AHRR: variants seen among roughly 807,000 people sequenced by gnomAD.
The protein encoded by AHRR is aryl hydrocarbon receptor repressor.
In AHRR, 28 loss-of-function variants were observed where a neutral mutation model predicts 44.0. That is an observed-to-expected ratio of 0.64 (90% CI 0.47 to 0.87). The LOEUF (loss-of-function observed/expected upper bound fraction) is 0.87. AHRR is among the 40% of genes least tolerant of loss of function. AHRR has a pLI of 0.00. For missense variants in AHRR, 990 were observed against 953.9 expected (o/e 1.04, Z -0.50); for synonymous variants, 434 against 407.0 (o/e 1.07, Z -0.80).
intron 3 of AHRR, among the ~76,000 whole-genome samples, chr5:355,871 C>A (rs574947013): frequency 2.1e-3 from 313 of 152,372 alleles, no homozygotes; most frequent in African/African-American, 7.2e-3. Flanking sequence ...CCTGATTTTT[C>A]TACCAAGGAT....
At chr5:385,039 G>A (rs1008528793) in intron 4 of AHRR, among the ~76,000 whole-genome samples, 5 of 152,172 alleles carry the variant, frequency 3.3e-5, no homozygotes, top group African/African-American at 1.2e-4. Context: ...AGCTACTCAG[G>A]AGGCTGAGGC....
intron 3 of AHRR, among the ~76,000 whole-genome samples, chr5:374,706 C>T (rs998520381): frequency 6.6e-6 from 1 of 152,228 alleles, no homozygotes; most frequent in Non-Finnish European, 1.5e-5. Context: ...CCACCGTCTC[C>T]GGGCTTCTGG....
intron 2 of AHRR, among the ~76,000 whole-genome samples, chr5:345,284 C>G (rs566668696): frequency 1.3e-5 from 1 of 75,994 alleles, no homozygotes; most frequent in Non-Finnish European, 2.4e-5. Context: ...GTGTGTGTGT[C>G]GGATGATGTC....
Position 405,288 on chromosome 5 carries a change from G to A in AHRR, c.352-8056G>A, listed in dbSNP as rs1735208310. Among the ~76,000 whole-genome samples the A allele has an allele frequency of 6.6e-6, 1 of 152,182 alleles. No individual in the cohort carries two copies. Among genetic ancestry groups the A allele is most frequent in the Non-Finnish European group, 1.5e-5 (1 of 68,032 alleles). ...TGTACAAATACCATGGTTCATGGTA[G>A]CTCCTCAGATGCTCCCGTGGATGCA... On this transcript the variant is annotated intron_variant, in intron 4 of 10. Transcript: ENST00000684583. The surrounding 1 kb of genome is among the most constrained non-coding windows in gnomAD (Gnocchi z 4.5).
At chr5:352,682 T>C (rs1255130977) in intron 2 of AHRR, among the ~76,000 whole-genome samples, 2 of 141,528 alleles carry the variant, frequency 1.4e-5, no homozygotes, top group Admixed American at 6.9e-5. Flanking sequence ...ATGGGTCAGC[T>C]GTAGGGGATG....
rs1270068972 is a variant in AHRR at position 415,482 on chromosome 5, AGGCCTAGGGGCCGAG to A, written c.441+2050_441+2064del. 3.1e-4 allele frequency among the ~76,000 whole-genome samples: 36 copies of A among 116,466 alleles called. 3 individuals carry two copies. Among genetic ancestry groups the A allele is most frequent in the Non-Finnish European group, 4.2e-4 (26 of 62,392 alleles). The allele number at this position is 116,466 out of a possible 152,430, so 76.4% of individuals were successfully genotyped here. A position where few individuals can be genotyped will look rare whatever the true frequency, so the allele number is the denominator to read the frequency against. ...GGCCGAGTCTGCCTGGTCGGGTGGG[AGGCCTAGGGGCCGAG>A]TCTCCCTGGTCGGGTGGGAGGCCTA... On this transcript the variant is annotated intron_variant, in intron 5 of 10. Transcript: ENST00000684583.
In AHRR at chr5:434,242, C is replaced by A; in HGVS notation, c.1502C>A (p.Ala501Asp). Reference protein sequence around the residue: ...QLPQPGAQRFATRGYPMEDMK... With the variant: ...QLPQPGAQRFDTRGYPMEDMK... ...CCTCAGCCTGGAGCTCAGCGTTTTG[C>A]CACGAGGGGCTATCCCATGGAGGAC... Residue 501 changes from alanine (A) to aspartate (D), a missense_variant, in exon 11 of 11, where the codon GCC becomes GAC. By Grantham distance (126) the Ala-to-Asp change is moderately radical. Coordinates refer to ENST00000684583, the MANE Select transcript of AHRR (RefSeq NM_001377236.1). The A allele has an allele frequency of 6.3e-7, 1 of 1,592,850 alleles. No individual in the cohort carries two copies.
In AHRR at chr5:395,233, C is replaced by T. The variant is rs1193550701; in HGVS notation, c.352-18111C>T. On this transcript the variant is annotated intron_variant, in intron 4 of 10. Transcript: ENST00000684583. The surrounding 1 kb of genome is among the most constrained non-coding windows in gnomAD (Gnocchi z 5.3). ...CCTGCCAGGTGGCCGACACTGGCTGCCCTGCGTCCCCATTCCCTGAATGAC... is the reference window on the plus strand; with the variant it reads ...CCTGCCAGGTGGCCGACACTGGCTGTCCTGCGTCCCCATTCCCTGAATGAC... Among the ~76,000 whole-genome samples the T allele has an allele frequency of 1.3e-5, 2 of 152,198 alleles. No individual in the cohort carries two copies. Among genetic ancestry groups the T allele is most frequent in the African/African-American group, 2.4e-5 (1 of 41,448 alleles).
At chr5:377,365 G>T (rs537126168) in intron 4 of AHRR, among the ~76,000 whole-genome samples, 26 of 152,306 alleles carry the variant, frequency 1.7e-4, no homozygotes, top group African/African-American at 6.3e-4. Context: ...GGGGGTTGCT[G>T]CCTCCACCAG....
At position 404,568 on chromosome 5, in the gene AHRR, G is replaced by T; in HGVS notation, c.352-8776G>T. ...GCGTCCTGGGCCGGGGCAGGCGATTGGTACTAAAATGGTAATTTTTATGTT... is the reference window on the plus strand; with the variant it reads ...GCGTCCTGGGCCGGGGCAGGCGATTTGTACTAAAATGGTAATTTTTATGTT... On this transcript the variant is annotated intron_variant, in intron 4 of 10. Transcript: ENST00000684583. This position sits in a 1 kb window ranked among gnomAD's most constrained non-coding sequence, Gnocchi z 4.1. The T allele has an allele frequency of 7.7e-6, 2 of 260,046 alleles. No individual in the cohort carries two copies. The highest frequency in any genetic ancestry group is 9.7e-5 in the East Asian group (1 of 10,266). 16.1% of individuals were successfully genotyped at this position (260,046 alleles called of 1,614,324 possible).
At chr5:393,225 A>C (rs897556530) in intron 4 of AHRR, among the ~76,000 whole-genome samples, 2 of 152,168 alleles carry the variant, frequency 1.3e-5, no homozygotes, top group African/African-American at 4.8e-5. Context: ...CTGTGCCGGC[A>C]CAGACGCGTC....
chr5:322,932 C>A (rs73023453), intron 1 of AHRR, among the ~76,000 whole-genome samples: 22 of 152,228 alleles, frequency 1.4e-4, no homozygotes, highest in African/African-American at 5.1e-4. Context: ...AATGAACAGA[C>A]ACGAGTTTTA....
At chr5:377,783 C>T (rs891082128) in intron 4 of AHRR, among the ~76,000 whole-genome samples, 2 of 152,254 alleles carry the variant, frequency 1.3e-5, no homozygotes, top group African/African-American at 4.8e-5. Flanking sequence ...GGGCCTGGTT[C>T]CCTGCTGCTG....
rs201885637 is a variant in AHRR, at chr5:375,044, AT to A, written c.245-1565del. On this transcript the variant is annotated intron_variant, in intron 3 of 10. Coordinates refer to ENST00000684583, the MANE Select transcript of AHRR (RefSeq NM_001377236.1). ...GTGAACCACTTTGACTAGCAGGTGG[AT>A]GCCTTCCTGGAAGTCCAGGAGGATT... 7.8e-3 allele frequency among the ~76,000 whole-genome samples: 1,192 copies of A among 152,206 alleles called. 8 individuals carry two copies. Among genetic ancestry groups the A allele is most frequent in the Non-Finnish European group, 0.01 (699 of 68,012 alleles).
In AHRR at chr5:388,665, C is replaced by T. The variant is rs371513052; in HGVS notation, c.351+11949C>T. Reference sequence around the variant, plus strand: ...GCATGGGGCTTGGTGACATGAGGAGCGGGGGTGTCAGAGCCAGGGGCACCG... The same window carrying T: ...GCATGGGGCTTGGTGACATGAGGAGTGGGGGTGTCAGAGCCAGGGGCACCG... On this transcript the variant is annotated intron_variant, in intron 4 of 10. Coordinates refer to ENST00000684583, the MANE Select transcript of AHRR (RefSeq NM_001377236.1). The surrounding 1 kb of genome is among the most constrained non-coding windows in gnomAD (Gnocchi z 5.2). 2.6e-5 allele frequency among the ~76,000 whole-genome samples: 4 copies of T among 152,046 alleles called. No individual in the cohort carries two copies. In the East Asian group the frequency reaches 5.8e-4, roughly 22 times the overall value.
At chr5:401,144 C>A (rs987318567) in intron 4 of AHRR, among the ~76,000 whole-genome samples, 2 of 152,258 alleles carry the variant, frequency 1.3e-5, no homozygotes, top group African/African-American at 4.8e-5. Flanking sequence ...ACGTTCTCAC[C>A]TGTTTTCTAA....
chr5:393,427 C>A (rs142121359), intron 4 of AHRR, among the ~76,000 whole-genome samples: 2 of 152,220 alleles, frequency 1.3e-5, no homozygotes, highest in African/African-American at 4.8e-5. Flanking sequence ...TGCTGTGAAA[C>A]CTTCTGGGCA....
intron 1 of AHRR, among the ~76,000 whole-genome samples, chr5:335,314 T>C (rs1456411762): frequency 6.6e-6 from 1 of 152,096 alleles, no homozygotes; most frequent in African/African-American, 2.4e-5. Context: ...TCCCAAGCTC[T>C]GTGTGCATGT....
chr5:427,918 C>G lies in AHRR; in HGVS notation c.820C>G (p.Leu274Val). Residue 274 changes from leucine to valine, a missense_variant, in exon 8 of 11, where the codon CTC (leucine) becomes GTC (valine). Physicochemically the swap from Leu to Val is conservative, Grantham distance 32. Coordinates refer to ENST00000684583, the MANE Select transcript of AHRR (RefSeq NM_001377236.1). ...LSLFCIAAPV[L>V]LPSAAEMKMR... ...GCTGTTCTGCATTGCGGCACCCGTTCTCCTCCCCTCCGCAGCGGAGATGAA... is the reference window on the plus strand; with the variant it reads ...GCTGTTCTGCATTGCGGCACCCGTTGTCCTCCCCTCCGCAGCGGAGATGAA... 6.2e-7 allele frequency: 1 copy of G among 1,614,114 alleles called. No individual in the cohort carries two copies. Among genetic ancestry groups the G allele is most frequent in the Non-Finnish European group, 8.5e-7 (1 of 1,180,042 alleles).
Sources: gnomAD v4.1 joint callset for allele counts (sites outside exome capture counted in the v4.1 genomes callset) on GRCh38, gnomAD v4.1.1 for gene constraint, Gnocchi (gnomAD v3.1) non-coding constraint, MANE v1.5 for transcripts, NCBI Gene and HGNC (gene_info 2026-07-23, HGNC 2026-07-21) for gene names.